IL1R1: variants seen among roughly 807,000 people sequenced by gnomAD.
IL1R1 encodes interleukin-1 receptor type 1.
Under a neutral mutation model 50.2 loss-of-function variants are expected in IL1R1, and 22 were observed. The observed-to-expected ratio is 0.44, with a 90% CI of 0.31 to 0.63. IL1R1 has a LOEUF of 0.63. IL1R1 is among the 20% of genes least tolerant of loss of function. IL1R1 has a pLI of 0.07. For synonymous variants in IL1R1, 251 were observed against 236.7 expected (o/e 1.06, Z -0.55); for missense variants, 509 against 676.2 (o/e 0.75, Z 2.74).
At chr2:102,151,133 C>T (rs1021822642) in intron 1 of IL1R1, among the ~76,000 whole-genome samples, 1 of 152,088 alleles carries the variant, frequency 6.6e-6, no homozygotes, top group Admixed American at 6.6e-5. Flanking sequence ...TGCCTTCTGG[C>T]AGTAACATTT....
chr2:102,149,631 C>T (rs1473361401), intron 1 of IL1R1, among the ~76,000 whole-genome samples: 1 of 152,280 alleles, frequency 6.6e-6, no homozygotes, highest in East Asian at 1.9e-4. Context: ...CCCCAAACAC[C>T]CTGGACCCTA....
intron 1 of IL1R1, among the ~76,000 whole-genome samples, chr2:102,076,875 T>G (rs573746554): frequency 6.6e-6 from 1 of 152,048 alleles, no homozygotes; most frequent in Non-Finnish European, 1.5e-5. Context: ...TTATTCAAAT[T>G]TTTTTTCTAT....
intron 1 of IL1R1, among the ~76,000 whole-genome samples, chr2:102,071,374 TCTATTTGTGGCA>T (rs71685528): frequency 0.01 from 1,576 of 152,346 alleles, 32 homozygotes; most frequent in African/African-American, 0.036. Flanking sequence ...CTAATGGACA[TCTATTTGTGGCA>T]CTGTATATAG....
upstream of IL1R1, among the ~76,000 whole-genome samples, chr2:102,103,034 C>T (rs771541003): frequency 6.6e-5 from 10 of 152,030 alleles, no homozygotes; most frequent in Non-Finnish European, 1.3e-4. Flanking sequence ...ATTGAAACTA[C>T]CTATAGGGTA....
intron 1 of IL1R1, among the ~76,000 whole-genome samples, chr2:102,077,987 G>C (rs563763949): frequency 1.3e-5 from 2 of 152,032 alleles, no homozygotes; most frequent in African/African-American, 4.8e-5. Flanking sequence ...GGTCAAAGAA[G>C]AAATTAAAAG....
At chr2:102,100,083 G>A (rs73943975), upstream of IL1R1, among the ~76,000 whole-genome samples, 1,487 of 152,242 alleles carry the variant, frequency 9.8e-3, 25 homozygotes, top group African/African-American at 0.033. Context: ...CTCCTTTCCT[G>A]CATTCAAGGC....
chr2:102,089,777 C>G (rs72996508), intron 1 of IL1R1, among the ~76,000 whole-genome samples: 1 of 150,630 alleles, frequency 6.6e-6, no homozygotes, highest in Non-Finnish European at 1.5e-5. Context: ...GCTATTTTGT[C>G]TGTGGTATTC....
At chr2:102,165,706 G>A (rs3917291) in intron 5 of IL1R1, among the ~76,000 whole-genome samples, 8,618 of 152,166 alleles carry the variant, frequency 0.057, 310 homozygotes, top group Middle Eastern at 0.15. Context: ...GCTTTCCATG[G>A]AACACCCCAT....
chr2:102,127,393 T>C (rs1302119064), intron 1 of IL1R1, among the ~76,000 whole-genome samples: 1 of 152,214 alleles, frequency 6.6e-6, no homozygotes, highest in South Asian at 2.1e-4. Context: ...GCAAGAACCT[T>C]TAATGGGCAG....
upstream of IL1R1, among the ~76,000 whole-genome samples, chr2:102,141,443 TG>T (rs1426114408): frequency 5.3e-5 from 8 of 152,238 alleles, no homozygotes; most frequent in Non-Finnish European, 1.2e-4. Flanking sequence ...GCTACGTCAC[TG>T]GCCTCTGATG....
intron 1 of IL1R1, among the ~76,000 whole-genome samples, chr2:102,090,138 CT>C (rs966979652): frequency 9.4e-5 from 14 of 148,280 alleles, no homozygotes; most frequent in Admixed American, 6.1e-4. Context: ...CCAGCCTATC[CT>C]TTTTTTTTCA....
chr2:102,092,583 A>G (rs1299120149), intron 1 of IL1R1, among the ~76,000 whole-genome samples: 3 of 152,094 alleles, frequency 2.0e-5, no homozygotes, highest in Non-Finnish European at 2.9e-5. Flanking sequence ...TCATTTCCTC[A>G]TTAATGAGCT....
intron 1 of IL1R1, among the ~76,000 whole-genome samples, chr2:102,114,770 T>C (rs145877872): frequency 1.3e-5 from 2 of 152,164 alleles, no homozygotes; most frequent in African/African-American, 2.4e-5. Flanking sequence ...CATATATCTA[T>C]AGAACCTAGG....
chr2:102,079,412 A>G (rs1679112926), intron 1 of IL1R1, among the ~76,000 whole-genome samples: 1 of 152,168 alleles, frequency 6.6e-6, no homozygotes, highest in African/African-American at 2.4e-5. Context: ...TGCAAGATAC[A>G]AAATCAATAT....
intron 1 of IL1R1, among the ~76,000 whole-genome samples, chr2:102,148,472 C>G (rs1055593499): frequency 6.6e-6 from 1 of 152,224 alleles, no homozygotes; most frequent in African/African-American, 2.4e-5. Context: ...AAAGCAAAGG[C>G]TCAACCTAGC....
chr2:102,162,958 G>A (rs1684860561), intron 3 of IL1R1, among the ~76,000 whole-genome samples: 1 of 152,038 alleles, frequency 6.6e-6, no homozygotes, highest in Admixed American at 6.6e-5. Flanking sequence ...ACATTTTACA[G>A]CTTTGGCAAA....
chr2:102,125,954 T>A (rs1159740474), intron 1 of IL1R1, among the ~76,000 whole-genome samples: 1 of 152,058 alleles, frequency 6.6e-6, no homozygotes, highest in African/African-American at 2.4e-5. Context: ...GAGTAGACAA[T>A]CAGGAAAAAT....
chr2:102,081,179 T>C (rs1262913124), intron 1 of IL1R1, among the ~76,000 whole-genome samples: 2 of 152,200 alleles, frequency 1.3e-5, no homozygotes, highest in Non-Finnish European at 2.9e-5. Context: ...ACCCTTTGAA[T>C]TGTACACTTT....
At chr2:102,113,458 A>G (rs192903863) in intron 1 of IL1R1, among the ~76,000 whole-genome samples, 1 of 152,348 alleles carries the variant, frequency 6.6e-6, no homozygotes, top group African/African-American at 2.4e-5. Context: ...ATGTATACCA[A>G]TAACATATTC....
Sources: allele counts gnomAD v4.1 joint callset (sites outside exome capture counted in the v4.1 genomes callset), GRCh38; gene constraint gnomAD v4.1.1; transcripts MANE v1.5; gene names NCBI Gene and HGNC (gene_info 2026-07-23, HGNC 2026-07-21).